RAB3GAP1: variants seen among roughly 807,000 people sequenced by gnomAD.
RAB3GAP1 encodes rab3 GTPase-activating protein catalytic subunit.
A neutral mutation model predicts 130.7 loss-of-function variants in RAB3GAP1; 86 were observed. That is an observed-to-expected ratio of 0.66 (90% CI 0.55 to 0.79). RAB3GAP1 has a LOEUF of 0.79. RAB3GAP1 is among the 30% of genes least tolerant of loss of function. The probability of loss-of-function intolerance (pLI) is 0.00; values close to 1 mark genes in which losing one functional copy is unlikely to be tolerated. For missense variants in RAB3GAP1, 1,029 were observed against 1,169.4 expected, an observed-to-expected ratio of 0.88 and a Z score of 1.75; for synonymous variants, 367 against 401.7, an observed-to-expected ratio of 0.91 and a Z score of 1.03.
chr2:135,112,890 G>A (rs1248097640), intron 5 of RAB3GAP1, among the ~76,000 whole-genome samples: 1 of 151,484 alleles, frequency 6.6e-6, no homozygotes, highest in Non-Finnish European at 1.5e-5. Context: ...AAATATATCT[G>A]AGCCTATTTT....
At chr2:135,135,448 C>G in intron 16 of RAB3GAP1, 116 bp from the exon 17 acceptor site, 1 of 1,442,296 alleles carries the variant, frequency 6.9e-7, no homozygotes. Flanking sequence ...TCAGTAGTCA[C>G]TGCAATTCAC....
At chr2:135,075,960 T>C (rs1218027552) in intron 3 of RAB3GAP1, among the ~76,000 whole-genome samples, 1 of 150,700 alleles carries the variant, frequency 6.6e-6, no homozygotes, top group Admixed American at 6.6e-5. Flanking sequence ...CGCCAGGCTG[T>C]AGTGCAGTGG....
intron 8 of RAB3GAP1, among the ~76,000 whole-genome samples, chr2:135,123,309 C>CT (rs1168827845): frequency 6.6e-6 from 1 of 152,114 alleles, no homozygotes; most frequent in African/African-American, 2.4e-5. Context: ...TCATTGTGAT[C>CT]TTTCTTATTA....
chr2:135,113,523 G>C lies in RAB3GAP1; in HGVS notation c.482+253G>C, dbSNP rs2104913727. On this transcript the variant is annotated intron_variant, in intron 6 of 23. Transcript: ENST00000264158. Reference sequence around the variant, plus strand: ...TTTTGGAACAATTAACTGAGTCCCAGCCAGTCACAGCAGCTGAGGTTCAGT... The same window carrying C: ...TTTTGGAACAATTAACTGAGTCCCACCCAGTCACAGCAGCTGAGGTTCAGT... Among the ~76,000 whole-genome samples, 2 of 152,276 alleles carry C rather than the reference G, an allele frequency of 1.3e-5. 1 individual carries two copies. The highest frequency in any genetic ancestry group is 4.8e-5 in the African/African-American group (2 of 41,548).
intron 13 of RAB3GAP1, among the ~76,000 whole-genome samples, chr2:135,130,966 T>C (rs1398834568): frequency 6.6e-6 from 1 of 152,204 alleles, no homozygotes; most frequent in Non-Finnish European, 1.5e-5. Flanking sequence ...TTTGTCTCTG[T>C]CTGGGCAGTG....
At position 135,115,265 on chromosome 2, in the gene RAB3GAP1, G is replaced by A. The variant is rs1254835793; in HGVS notation, c.532G>A (p.Val178Ile). 6.2e-7 allele frequency: 1 copy of A among 1,613,014 alleles called. No homozygotes were observed. The highest frequency in any genetic ancestry group is 8.5e-7 in the Non-Finnish European group (1 of 1,179,146). Reference sequence around the variant, plus strand: ...TCACCACAAATGGCGAAGAATGTATGTAGGAGAATGTCAAGGTCCTGGTGT... The same window carrying A: ...TCACCACAAATGGCGAAGAATGTATATAGGAGAATGTCAAGGTCCTGGTGT... Reference protein sequence around the residue: ...QIHHKWRRMYVGECQGPGVRT... With the variant: ...QIHHKWRRMYIGECQGPGVRT... Residue 178 changes from valine to isoleucine, a missense_variant, in exon 7 of 24, where the codon GTA becomes ATA. Coordinates refer to ENST00000264158, the MANE Select transcript of RAB3GAP1 (RefSeq NM_012233.3).
chr2:135,103,051 T>TTTTTTTTG (rs1404696172), intron 5 of RAB3GAP1, among the ~76,000 whole-genome samples: 20 of 142,724 alleles, frequency 1.4e-4, no homozygotes, highest in Admixed American at 1.1e-3. Flanking sequence ...TTTTTTTTTT[T>TTTTTTTTG]TTTTGAGACG....
At chr2:135,156,977 A>C (rs1026618084) in intron 19 of RAB3GAP1, among the ~76,000 whole-genome samples, 1 of 152,228 alleles carries the variant, frequency 6.6e-6, no homozygotes, top group South Asian at 2.1e-4. Context: ...CATTTAGAAG[A>C]TCTAAATATA....
chr2:135,098,880 T>G (rs1690373522), intron 5 of RAB3GAP1, among the ~76,000 whole-genome samples: 1 of 152,220 alleles, frequency 6.6e-6, no homozygotes, highest in Non-Finnish European at 1.5e-5. Flanking sequence ...GGGGTTAACC[T>G]TGTATCCTGT....
At chr2:135,119,004 A>G (rs1408004129) in intron 7 of RAB3GAP1, among the ~76,000 whole-genome samples, 1 of 151,858 alleles carries the variant, frequency 6.6e-6, no homozygotes, top group Non-Finnish European at 1.5e-5. Flanking sequence ...TGTGCCTTGA[A>G]CCCCACTTAT....
At chr2:135,075,173 G>C (rs1265269362) in intron 3 of RAB3GAP1, among the ~76,000 whole-genome samples, 1 of 152,166 alleles carries the variant, frequency 6.6e-6, no homozygotes. Flanking sequence ...GGGCCTAGAA[G>C]GCTGTCCTGT....
At chr2:135,072,010 T>A (rs1423170680) in intron 3 of RAB3GAP1, among the ~76,000 whole-genome samples, 2 of 152,166 alleles carry the variant, frequency 1.3e-5, no homozygotes, top group African/African-American at 4.8e-5. Context: ...TCTCCAGGGT[T>A]CAAGCAGTTC....
intron 3 of RAB3GAP1, among the ~76,000 whole-genome samples, chr2:135,090,136 A>G (rs1690103547): frequency 6.6e-6 from 1 of 152,194 alleles, no homozygotes; most frequent in Non-Finnish European, 1.5e-5. Flanking sequence ...TTCAAATACT[A>G]ATGAAAAGAT....
At position 135,153,721 on chromosome 2, in the gene RAB3GAP1, G is replaced by A. The variant is rs1553448975; in HGVS notation, c.2134G>A (p.Val712Met). The A allele has an allele frequency of 6.2e-7, 1 of 1,613,824 alleles. No homozygotes were observed. The highest frequency in any genetic ancestry group is 8.5e-7 in the Non-Finnish European group (1 of 1,179,786). ...ACCCCGGGATTATATTGAAGAGGAG[G>A]TGATTGATGAAAAGGGCAATGTGGT... Reference protein sequence around the residue: ...YSPRDYIEEEVIDEKGNVVLK... With the variant: ...YSPRDYIEEEMIDEKGNVVLK... The change falls in exon 19 of 24, where the codon GTG (valine) becomes ATG (methionine). Residue 712 changes from valine to methionine, a missense_variant. Val to Met is a conservative substitution (Grantham distance 21). Coordinates refer to ENST00000264158, the MANE Select transcript of RAB3GAP1 (RefSeq NM_012233.3).
intron 5 of RAB3GAP1, among the ~76,000 whole-genome samples, chr2:135,103,277 T>C (rs1472209348): frequency 6.6e-6 from 1 of 151,940 alleles, no homozygotes; most frequent in Non-Finnish European, 1.5e-5. Context: ...GCTCAGGCAC[T>C]CTGCCCACCA....
chr2:135,135,798 GGAA>G lies in RAB3GAP1; in HGVS notation c.1790_1792del (p.Gly597_Asn598delinsAsp), dbSNP rs776941359. The G allele has an allele frequency of 6.2e-7, 1 of 1,614,164 alleles. No homozygotes were observed. On this transcript the variant is annotated inframe_deletion, in exon 17 of 24. Coordinates refer to ENST00000264158, the MANE Select transcript of RAB3GAP1 (RefSeq NM_012233.3). ...CCTAAGTGATACTGAAGAACTTAAA[GGAA>G]ATGGACAAGAGAGTGGCAAGAAAGG...
In RAB3GAP1 at chr2:135,133,937, A is replaced by C; in HGVS notation, c.1403A>C (p.Asn468Thr). The C allele has an allele frequency of 1.2e-6, 2 of 1,613,928 alleles. No homozygotes were observed. Among genetic ancestry groups the C allele is most frequent in the East Asian group, 4.5e-5 (2 of 44,854 alleles). The change falls in exon 15 of 24, where the codon AAT (asparagine) becomes ACT (threonine). Residue 468 changes from asparagine (N) to threonine (T), a missense_variant. Asn to Thr is a moderately conservative substitution (Grantham distance 65). Transcript: ENST00000264158. ...CTGGCTTTGTGTCTCTGTATGATCA[A>C]TTTTTACCATGGAGGGTTGAAAGGA... ...YKLALCLCMI[N>T]FYHGGLKGVA... is the part of the protein sequence containing the mutation.
Position 135,169,797 on chromosome 2 carries a change from T to G in RAB3GAP1, c.*1016T>G, listed in dbSNP as rs1182642638. ...AGGATGACATCACCACATTTCTAGT[T>G]TCATGGAGCTCAAGATGTCTTGTGT... is the stretch of plus-strand genomic sequence containing the variant. On this transcript the variant is annotated 3_prime_UTR_variant, in exon 24 of 24. Transcript: ENST00000264158. The G allele has an allele frequency of 4.4e-6, 2 of 455,532 alleles. No homozygotes were observed. The highest frequency in any genetic ancestry group is 8.8e-6 in the Non-Finnish European group (2 of 226,430). The allele number at this position is 455,532 out of a possible 1,614,324, so 28.2% of individuals were successfully genotyped here. A position where few individuals can be genotyped will look rare whatever the true frequency, so the allele number is the denominator to read the frequency against.
chr2:135,052,598 C>T (rs1465890021), intron 2 of RAB3GAP1, 113 bp downstream of exon 2: 2 of 1,261,726 alleles, frequency 1.6e-6, no homozygotes, highest in Non-Finnish European at 1.1e-6. Context: ...AACGGTAATA[C>T]CGTGGGTCCC....
Sources: gnomAD v4.1 joint callset for allele counts (sites outside exome capture counted in the v4.1 genomes callset) on GRCh38, gnomAD v4.1.1 for gene constraint, MANE v1.5 for transcripts, NCBI Gene and HGNC (gene_info 2026-07-23, HGNC 2026-07-21) for gene names.